The following SH3BP4 variants were observed in gnomAD, a reference collection of about 807,000 sequenced individuals.
SH3BP4 encodes the protein SH3 domain binding protein 4.
A neutral mutation model predicts 65.5 loss-of-function variants in SH3BP4; 33 were observed. The observed-to-expected ratio is 0.50, with a 90% CI of 0.38 to 0.67. The LOEUF is 0.67. Among genes scored for constraint, SH3BP4 ranks in the 30% least tolerant of loss-of-function variants. The pLI is 0.00. For missense variants in SH3BP4, 1,134 were observed against 1,261.4 expected (o/e 0.90, Z 1.53); for synonymous variants, 552 against 545.5 (o/e 1.01, Z -0.17).
rs1693734033 is a variant in SH3BP4 at position 234,991,088 on chromosome 2, C to G, written c.-206-4215C>G. On this transcript the variant is annotated intron_variant, in intron 1 of 5. Coordinates refer to ENST00000392011, the MANE Select transcript of SH3BP4 (RefSeq NM_014521.3). This position sits in a 1 kb window ranked among gnomAD's most constrained non-coding sequence, Gnocchi z 4.2. The stretch of plus-strand genomic sequence containing the variant: ...CCAAATAAGGTCACTTTCTGAGGTA[C>G]TGGTGATGCATACAAATTTGGGGGG... 1.3e-5 allele frequency among the ~76,000 whole-genome samples: 2 copies of G among 152,162 alleles called. No homozygotes were observed. The highest frequency in any genetic ancestry group is 4.8e-5 in the African/African-American group (2 of 41,428).
Position 235,045,708 on chromosome 2 carries a change from A to G in SH3BP4, c.2478+2461A>G, listed in dbSNP as rs1003112702. Among the ~76,000 whole-genome samples, 1 of 152,040 alleles carries G rather than the reference A, an allele frequency of 6.6e-6. No individual in the cohort carries two copies. The highest frequency in any genetic ancestry group is 2.4e-5 in the African/African-American group (1 of 41,394). On this transcript the variant is annotated intron_variant, in intron 4 of 5. Transcript: ENST00000392011. This position sits in a 1 kb window ranked among gnomAD's most constrained non-coding sequence, Gnocchi z 4.3. ...AGGTCGTTTATTAGGAGACCCTGAA[A>G]ACTGGCTGTTCTATTCCGCTTGTCA...
At chr2:234,955,421 A>G (rs758452281) in intron 1 of SH3BP4, among the ~76,000 whole-genome samples, 1 of 152,166 alleles carries the variant, frequency 6.6e-6, no homozygotes, top group Non-Finnish European at 1.5e-5. Context: ...CAATCCAGCT[A>G]CTTGATTCAG....
chr2:235,041,597 A>G lies in SH3BP4; in HGVS notation c.828A>G (p.Gln276=). The G allele has an allele frequency of 1.2e-6, 2 of 1,614,018 alleles. No homozygotes were observed. The highest frequency in any genetic ancestry group is 1.7e-6 in the Non-Finnish European group (2 of 1,180,028). The change falls in exon 4 of 6, where the codon CAA becomes CAG. Residue 276 remains glutamine, a synonymous_variant. Transcript: ENST00000392011. The surrounding 1 kb of genome is among the most constrained non-coding windows in gnomAD (Gnocchi z 6.0). Reference sequence around the variant, plus strand: ...GCTTGAAATCACCTGCCCCCGAGCAATTTCAGAGCCGGGAGGATTTTCGAA... The same window carrying G: ...GCTTGAAATCACCTGCCCCCGAGCAGTTTCAGAGCCGGGAGGATTTTCGAA... The part of the protein sequence containing the change: ...FTGLKSPAPE[Q]FQSREDFRTA...
At chr2:234,987,100 C>T (rs370552332) in intron 1 of SH3BP4, among the ~76,000 whole-genome samples, 129 of 152,252 alleles carry the variant, frequency 8.5e-4, no homozygotes, top group African/African-American at 3.0e-3. Context: ...GCAGCATCAA[C>T]ATCAGCTGGG....
Position 235,012,145 on chromosome 2 carries a change from C to T in SH3BP4, c.-133+16769C>T, listed in dbSNP as rs559197487. Among the ~76,000 whole-genome samples, 13 of 152,314 alleles carry T rather than the reference C, an allele frequency of 8.5e-5. No individual in the cohort carries two copies. In the East Asian group the frequency reaches 1.4e-3, roughly 16 times the overall value. On this transcript the variant is annotated intron_variant, in intron 2 of 5. Coordinates refer to ENST00000392011, the MANE Select transcript of SH3BP4 (RefSeq NM_014521.3). The stretch of plus-strand genomic sequence containing the variant: ...CCAGCTGCTCATGAATGTTACGGGG[C>T]GCTGACAGTGGCTCAGGGTACTGGC...
chr2:235,002,356 G>T (rs562485935), intron 2 of SH3BP4, among the ~76,000 whole-genome samples: 79 of 152,298 alleles, frequency 5.2e-4, no homozygotes, highest in Non-Finnish European at 4.4e-5. Context: ...TCTTCTGAAG[G>T]ACAGGTGGGT....
chr2:235,017,661 G>A (rs573549583), intron 2 of SH3BP4, among the ~76,000 whole-genome samples: 34 of 152,172 alleles, frequency 2.2e-4, no homozygotes, highest in African/African-American at 7.7e-4. Context: ...TTCTGCACAC[G>A]TGCTTATCTC....
At chr2:235,044,825 G>T (rs1361157268) in intron 4 of SH3BP4, among the ~76,000 whole-genome samples, 1 of 152,238 alleles carries the variant, frequency 6.6e-6, no homozygotes, top group African/African-American at 2.4e-5. Flanking sequence ...GGAGTCGGGT[G>T]AGACCCTCTC....
intron 1 of SH3BP4, among the ~76,000 whole-genome samples, chr2:234,982,377 C>T (rs568714720): frequency 1.3e-5 from 2 of 152,170 alleles, no homozygotes; most frequent in Admixed American, 6.5e-5. Context: ...TTTATGGAGG[C>T]GGAATGGAGA....
chr2:234,959,591 G>C (rs1162837049), intron 1 of SH3BP4, among the ~76,000 whole-genome samples: 1 of 151,892 alleles, frequency 6.6e-6, no homozygotes, highest in Non-Finnish European at 1.5e-5. Context: ...TTTTAATTCA[G>C]GTAGGTTTAC....
chr2:235,050,857 G>T (rs1696027782), intron 4 of SH3BP4, among the ~76,000 whole-genome samples: 1 of 152,078 alleles, frequency 6.6e-6, no homozygotes, highest in African/African-American at 2.4e-5. Flanking sequence ...GGGGTTGTTT[G>T]TTTTTTAGCA....
chr2:234,988,354 C>T (rs906754830), intron 1 of SH3BP4, among the ~76,000 whole-genome samples: 3 of 152,190 alleles, frequency 2.0e-5, no homozygotes, highest in Non-Finnish European at 2.9e-5. Context: ...CCACCACACC[C>T]GGCCCGCCAG....
intron 1 of SH3BP4, among the ~76,000 whole-genome samples, chr2:234,968,708 C>T (rs908659792): frequency 2.0e-5 from 3 of 151,780 alleles, no homozygotes; most frequent in African/African-American, 4.8e-5. Flanking sequence ...GCTGCCTTGC[C>T]CCTTCCCCGA....
intron 1 of SH3BP4, among the ~76,000 whole-genome samples, chr2:234,960,565 T>C (rs1232805547): frequency 1.3e-5 from 2 of 152,206 alleles, no homozygotes; most frequent in Non-Finnish European, 2.9e-5. Context: ...TGCCCATTTT[T>C]GCTTATATGT....
At chr2:234,999,629 T>C (rs1694035822) in intron 2 of SH3BP4, among the ~76,000 whole-genome samples, 1 of 152,220 alleles carries the variant, frequency 6.6e-6, no homozygotes, top group Non-Finnish European at 1.5e-5. Flanking sequence ...ATAAATCAAT[T>C]TCCTTGGGCC....
At chr2:235,031,335 A>G (rs1376253666) in intron 2 of SH3BP4, among the ~76,000 whole-genome samples, 1 of 152,170 alleles carries the variant, frequency 6.6e-6, no homozygotes, top group Non-Finnish European at 1.5e-5. Flanking sequence ...GCCATACCCC[A>G]TCATCAATAA....
chr2:234,959,738 G>A (rs997583425), intron 1 of SH3BP4, among the ~76,000 whole-genome samples: 6 of 148,736 alleles, frequency 4.0e-5, no homozygotes, highest in African/African-American at 1.5e-4. Flanking sequence ...TGCAACCTCC[G>A]CCTCCTGGGT....
intron 1 of SH3BP4, among the ~76,000 whole-genome samples, chr2:234,970,386 A>G (rs12329020): frequency 0.052 from 7,984 of 152,250 alleles, 615 homozygotes; most frequent in African/African-American, 0.17. Context: ...TTGGCCTGGA[A>G]CTGGGACCTC....
chr2:235,020,595 C>T (rs1694822530), intron 2 of SH3BP4, among the ~76,000 whole-genome samples: 1 of 152,180 alleles, frequency 6.6e-6, no homozygotes, highest in Non-Finnish European at 1.5e-5. Flanking sequence ...GCGATGACAA[C>T]ATCCAAACCC....
Sources: gnomAD v4.1 joint callset for allele counts (sites outside exome capture counted in the v4.1 genomes callset) on GRCh38, gnomAD v4.1.1 for gene constraint, Gnocchi (gnomAD v3.1) non-coding constraint, MANE v1.5 for transcripts, NCBI Gene and HGNC (gene_info 2026-07-23, HGNC 2026-07-21) for gene names.